RGS6: variants seen among roughly 807,000 people sequenced by gnomAD.
The protein encoded by RGS6 is regulator of G-protein signaling 6.
RGS6 carries 30 observed loss-of-function variants against 78.5 expected under a neutral mutation model. The ratio of observed to expected loss-of-function variants is 0.38; its 90% confidence interval spans 0.29 to 0.52. RGS6 has a LOEUF of 0.52. Among genes scored for constraint, RGS6 ranks in the 20% least tolerant of loss-of-function variants. RGS6 has a pLI of 0.85. For synonymous variants in RGS6, 206 were observed against 206.0 expected, an observed-to-expected ratio of 1.00 and a Z score of 0.00; for missense variants, 495 against 609.7, an observed-to-expected ratio of 0.81 and a Z score of 1.98.
intron 2 of RGS6, among the ~76,000 whole-genome samples, chr14:72,198,261 G>A (rs2040663635): frequency 6.6e-6 from 1 of 152,154 alleles, no homozygotes; most frequent in South Asian, 2.1e-4. Flanking sequence ...GCTGAAGTGG[G>A]AGGCTCACTT....
intron 2 of RGS6, among the ~76,000 whole-genome samples, chr14:72,174,385 A>G (rs1001219938): frequency 1.1e-4 from 17 of 152,194 alleles, no homozygotes; most frequent in African/African-American, 3.1e-4. Flanking sequence ...GTTATGAGCC[A>G]CTGCGCCCGG....
At chr14:72,407,936 C>T (rs1018177697) in intron 3 of RGS6, among the ~76,000 whole-genome samples, 3 of 152,192 alleles carry the variant, frequency 2.0e-5, no homozygotes, top group Admixed American at 6.5e-5. Flanking sequence ...AACTGTATAG[C>T]CAACTATGAA....
intron 2 of RGS6, among the ~76,000 whole-genome samples, chr14:72,022,145 C>G (rs533201202): frequency 6.6e-6 from 1 of 152,102 alleles, no homozygotes. Context: ...ATGATATATA[C>G]GTACCACATT....
intron 3 of RGS6, among the ~76,000 whole-genome samples, chr14:72,398,867 T>G (rs566885521): frequency 6.6e-6 from 1 of 152,290 alleles, no homozygotes; most frequent in Admixed American, 6.5e-5. Flanking sequence ...CGGTTTTGAG[T>G]GAATTTCTTA....
At chr14:72,091,724 G>A (rs1795500278) in intron 2 of RGS6, among the ~76,000 whole-genome samples, 1 of 152,148 alleles carries the variant, frequency 6.6e-6, no homozygotes, top group African/African-American at 2.4e-5. Flanking sequence ...AGTGGAAGGG[G>A]CCAAGCCGGT....
chr14:72,574,095 C>A, the RGS6 span, among the ~76,000 whole-genome samples: 2 of 152,238 alleles, frequency 1.3e-5, no homozygotes, highest in African/African-American at 2.4e-5. Context: ...TACCCACACA[C>A]ACATACAACA....
chr14:72,473,131 G>GT (rs2096130685), intron 9 of RGS6, among the ~76,000 whole-genome samples, 178 bp downstream of exon 9: 1 of 152,202 alleles, frequency 6.6e-6, no homozygotes, highest in African/African-American at 2.4e-5. Flanking sequence ...TGGAATATAT[G>GT]TAAGTTCCAC....
chr14:72,097,284 C>T (rs4902985), intron 2 of RGS6, among the ~76,000 whole-genome samples: 5,000 of 152,318 alleles, frequency 0.033, 92 homozygotes, highest in African/African-American at 0.038. Context: ...GCCATCTCCT[C>T]TTGTGTTAGT....
chr14:72,603,421 G>T, the RGS6 span, among the ~76,000 whole-genome samples: 4 of 152,234 alleles, frequency 2.6e-5, no homozygotes, highest in Non-Finnish European at 4.4e-5. Flanking sequence ...CCATGCCCCA[G>T]AGGGAGAAAT....
At chr14:72,151,048 G>A (rs1344781111) in intron 2 of RGS6, among the ~76,000 whole-genome samples, 2 of 152,224 alleles carry the variant, frequency 1.3e-5, no homozygotes, top group Non-Finnish European at 2.9e-5. Context: ...GCTAAGGAGA[G>A]TGAGTGGTGG....
chr14:71,999,726 G>A (rs927079815), intron 2 of RGS6, among the ~76,000 whole-genome samples: 8 of 152,092 alleles, frequency 5.3e-5, no homozygotes, highest in South Asian at 4.1e-4. Flanking sequence ...TCTCTTTCTC[G>A]TGCTCTGGAC....
intron 2 of RGS6, among the ~76,000 whole-genome samples, chr14:72,138,908 A>G (rs2096493970): frequency 6.6e-6 from 1 of 152,154 alleles, no homozygotes; most frequent in Non-Finnish European, 1.5e-5. Flanking sequence ...ATTTGATACT[A>G]TGGTGAGTAT....
intron 2 of RGS6, among the ~76,000 whole-genome samples, chr14:72,136,397 C>T (rs187873141): frequency 2.9e-4 from 44 of 151,960 alleles, no homozygotes; most frequent in Non-Finnish European, 4.3e-4. Flanking sequence ...AAAGACATAT[C>T]GAAGACTGGG....
At chr14:72,193,169 T>A (rs2097350060) in intron 2 of RGS6, among the ~76,000 whole-genome samples, 1 of 151,982 alleles carries the variant, frequency 6.6e-6, no homozygotes, top group Non-Finnish European at 1.5e-5. Context: ...AATTTTTGTG[T>A]TTTTAGTAGA....
chr14:72,601,260 C>A, the RGS6 span, among the ~76,000 whole-genome samples: 1 of 152,126 alleles, frequency 6.6e-6, no homozygotes, highest in African/African-American at 2.4e-5. Context: ...AGCCTCCCAC[C>A]ATCATAGCCA....
chr14:72,547,608 G>T (rs2097427790), intron 17 of RGS6, among the ~76,000 whole-genome samples: 1 of 152,152 alleles, frequency 6.6e-6, no homozygotes, highest in African/African-American at 2.4e-5. Context: ...CAGAGCAGTG[G>T]GATTTTTAGT....
intron 2 of RGS6, among the ~76,000 whole-genome samples, chr14:72,226,443 A>G (rs1299458952): frequency 6.6e-6 from 1 of 152,220 alleles, no homozygotes; most frequent in African/African-American, 2.4e-5. Context: ...GGACGTGTCT[A>G]TATGGATGGA....
intron 2 of RGS6, among the ~76,000 whole-genome samples, chr14:72,254,682 C>G (rs931218948): frequency 1.3e-5 from 2 of 152,118 alleles, no homozygotes; most frequent in African/African-American, 2.4e-5. Context: ...TCTTTATGCT[C>G]AAGGGAGAAT....
At chr14:72,510,121 ATCT>A (rs1416774124) in intron 13 of RGS6, 30 bp from the exon 14 acceptor site, 7 of 1,550,638 alleles carry the variant, frequency 4.5e-6, no homozygotes, top group Non-Finnish European at 5.2e-6. Context: ...TCTGGTATTG[ATCT>A]TCTTTAAACC....
Sources: allele counts gnomAD v4.1 joint callset (sites outside exome capture counted in the v4.1 genomes callset), GRCh38; gene constraint gnomAD v4.1.1; transcripts MANE v1.5; gene names NCBI Gene and HGNC (gene_info 2026-07-23, HGNC 2026-07-21).